Variants in MAPK8 observed in about 807,000 individuals in gnomAD.
The protein encoded by MAPK8 is mitogen-activated protein kinase 8.
Under a neutral mutation model 52.9 loss-of-function variants are expected in MAPK8, and 13 were observed. The observed-to-expected ratio is 0.25, with a 90% CI of 0.16 to 0.39. MAPK8 has a LOEUF of 0.39. Among genes scored for constraint, MAPK8 ranks in the 10% least tolerant of loss-of-function variants. The probability of loss-of-function intolerance (pLI) is 1.00; values close to 1 mark genes in which losing one functional copy is unlikely to be tolerated. For missense variants in MAPK8, 300 were observed against 519.2 expected (o/e 0.58, Z 4.10); for synonymous variants, 191 against 169.8 (o/e 1.12, Z -0.97).
chr10:48,354,739 A>T (rs1336047836), intron 1 of MAPK8, among the ~76,000 whole-genome samples: 2 of 152,170 alleles, frequency 1.3e-5, no homozygotes, highest in Non-Finnish European at 2.9e-5. Flanking sequence ...ATTTTAAGCA[A>T]CCAGCTGACC....
At chr10:48,340,058 C>G (rs1450187076) in intron 1 of MAPK8, among the ~76,000 whole-genome samples, 1 of 152,102 alleles carries the variant, frequency 6.6e-6, no homozygotes, top group East Asian at 1.9e-4. Flanking sequence ...GGGTATCTAC[C>G]CAAAGGAAGA....
intron 1 of MAPK8, among the ~76,000 whole-genome samples, chr10:48,310,967 G>A (rs1284424381): frequency 6.6e-6 from 1 of 151,214 alleles, no homozygotes; most frequent in Admixed American, 6.6e-5. Context: ...GATTGCTAGC[G>A]TGGGTTTTAA....
At chr10:48,319,924 C>CT (rs372965922) in intron 1 of MAPK8, among the ~76,000 whole-genome samples, 15 of 147,668 alleles carry the variant, frequency 1.0e-4, no homozygotes, top group South Asian at 4.3e-4. Flanking sequence ...TTTTTCTTTT[C>CT]TTTTTTTTTG....
Position 48,426,033 on chromosome 10 carries a change from C to T in MAPK8, c.834C>T (p.Val278=). 1 of 1,611,826 alleles carries T rather than the reference C, an allele frequency of 6.2e-7. No homozygotes were observed. Among genetic ancestry groups the T allele is most frequent in the South Asian group, 1.1e-5 (1 of 90,732 alleles). The change falls in exon 8 of 12, where the codon GTC becomes GTT. Residue 278 remains valine (V), a synonymous_variant. Transcript: ENST00000374189. ...GYSFEKLFPD[V]LFPADSEHNK... is the part of the protein sequence containing the mutation. ...GCTTTGAGAAACTCTTCCCTGATGT[C>T]CTTTTCCCAGCTGACTCAGAACACA...
intron 9 of MAPK8, 187 bp from the exon 10 acceptor site, chr10:48,426,893 A>G (rs2043717928): frequency 1.9e-6 from 1 of 529,264 alleles, no homozygotes. Flanking sequence ...ACAGTTAAAC[A>G]TTTTATTTCC....
chr10:48,409,245 A>G (rs1295121814), intron 3 of MAPK8, among the ~76,000 whole-genome samples: 2 of 152,218 alleles, frequency 1.3e-5, no homozygotes, highest in Non-Finnish European at 2.9e-5. Context: ...GCATTCTATG[A>G]GTATTTATTA....
chr10:48,331,477 C>G (rs1844141540), intron 1 of MAPK8, among the ~76,000 whole-genome samples: 1 of 152,228 alleles, frequency 6.6e-6, no homozygotes, highest in Non-Finnish European at 1.5e-5. Context: ...AGTGCACTTT[C>G]CACTGGTCTT....
At chr10:48,382,053 G>A (rs549659965) in intron 1 of MAPK8, among the ~76,000 whole-genome samples, 2 of 152,260 alleles carry the variant, frequency 1.3e-5, no homozygotes, top group Non-Finnish European at 2.9e-5. Flanking sequence ...ACAACAGCCA[G>A]GCCAGAGGGA....
chr10:48,406,356 A>G (rs1418889844), intron 3 of MAPK8, among the ~76,000 whole-genome samples: 1 of 152,150 alleles, frequency 6.6e-6, no homozygotes, highest in East Asian at 1.9e-4. Flanking sequence ...ACGCAGTTCC[A>G]TGGCAGTGGT....
chr10:48,431,216 G>A lies in MAPK8; in HGVS notation c.1084G>A (p.Asp362Asn). ...WKELIYKEVM[D>N]LEERTKNGVI... ...AGAATTGATATATAAGGAAGTTATG[G>A]ACTTGGAGGAGAGAACCAAGAATGG... Residue 362 changes from aspartate (D) to asparagine (N), a missense_variant, in exon 11 of 12, where the codon GAC (aspartate) becomes AAC (asparagine). Physicochemically the swap from Asp to Asn is conservative, Grantham distance 23. Coordinates refer to ENST00000374189, the MANE Select transcript of MAPK8 (RefSeq NM_001323329.2). 6.2e-7 allele frequency: 1 copy of A among 1,611,142 alleles called. No individual in the cohort carries two copies. The highest frequency in any genetic ancestry group is 2.2e-5 in the East Asian group (1 of 44,838).
intron 1 of MAPK8, among the ~76,000 whole-genome samples, chr10:48,378,853 A>G (rs2040824257): frequency 6.6e-6 from 1 of 152,090 alleles, no homozygotes; most frequent in Non-Finnish European, 1.5e-5. Flanking sequence ...GCAGCCTTGA[A>G]TTCCTGGGCT....
At chr10:48,362,210 C>T (rs1189557367) in intron 1 of MAPK8, among the ~76,000 whole-genome samples, 1 of 152,146 alleles carries the variant, frequency 6.6e-6, no homozygotes, top group Non-Finnish European at 1.5e-5. Flanking sequence ...ACTATTCATT[C>T]CCTTCACCAT....
intron 1 of MAPK8, among the ~76,000 whole-genome samples, chr10:48,355,526 T>A (rs1348108072): frequency 4.8e-4 from 53 of 109,322 alleles, no homozygotes; most frequent in African/African-American, 1.5e-3. Flanking sequence ...AAAAAAAAAA[T>A]CCTCAATAGA....
chr10:48,354,092 G>A (rs978465637), intron 1 of MAPK8, among the ~76,000 whole-genome samples: 3 of 152,122 alleles, frequency 2.0e-5, no homozygotes, highest in African/African-American at 7.2e-5. Context: ...ACTGGGTGCA[G>A]GGTACAGGGG....
chr10:48,358,473 T>G (rs1417928364), intron 1 of MAPK8, among the ~76,000 whole-genome samples: 1 of 152,210 alleles, frequency 6.6e-6, no homozygotes, highest in Non-Finnish European at 1.5e-5. Flanking sequence ...TCTTTTTTGT[T>G]GTTGAATTGT....
chr10:48,405,773 G>A (rs768773311), intron 3 of MAPK8, among the ~76,000 whole-genome samples: 2 of 152,140 alleles, frequency 1.3e-5, no homozygotes, highest in South Asian at 4.1e-4. Context: ...GTCCAAAAGA[G>A]TTTATATAAT....
intron 3 of MAPK8, 142 bp downstream of exon 3, chr10:48,405,123 A>ATATC: frequency 3.7e-6 from 1 of 267,294 alleles, no homozygotes. Flanking sequence ...ATATATATAT[A>ATATC]TATATCTACA....
chr10:48,363,418 A>C (rs1023246777), intron 1 of MAPK8, among the ~76,000 whole-genome samples: 3 of 152,134 alleles, frequency 2.0e-5, no homozygotes, highest in African/African-American at 7.2e-5. Flanking sequence ...TGTTTTATAA[A>C]TTATGTGTGG....
At chr10:48,391,726 C>G (rs1275206131) in intron 1 of MAPK8, among the ~76,000 whole-genome samples, 2 of 152,072 alleles carry the variant, frequency 1.3e-5, no homozygotes, top group Admixed American at 1.3e-4. Context: ...AGTCGAGGGC[C>G]CAGTCCCCTC....
Sources: gnomAD v4.1 joint callset for allele counts (sites outside exome capture counted in the v4.1 genomes callset) on GRCh38, gnomAD v4.1.1 for gene constraint, MANE v1.5 for transcripts, NCBI Gene and HGNC (gene_info 2026-07-23, HGNC 2026-07-21) for gene names.